SGPL1: variants seen among roughly 807,000 people sequenced by gnomAD.
SGPL1 encodes the protein SP-lyase 1.
In SGPL1, 37 loss-of-function variants were observed where a neutral mutation model predicts 68.9. That is an observed-to-expected ratio of 0.54 (90% CI 0.41 to 0.71). The LOEUF is 0.71. SGPL1 is among the 30% of genes least tolerant of loss of function. The pLI is 0.00. For missense variants in SGPL1, 551 were observed against 704.6 expected, an observed-to-expected ratio of 0.78 and a Z score of 2.47; for synonymous variants, 236 against 248.5, an observed-to-expected ratio of 0.95 and a Z score of 0.47.
chr10:70,843,470 G>A (rs1211991043), intron 2 of SGPL1, among the ~76,000 whole-genome samples: 2 of 152,210 alleles, frequency 1.3e-5, no homozygotes, highest in African/African-American at 4.8e-5. Context: ...TTGTAGATAT[G>A]AATAGAACTG....
At chr10:70,877,104 A>G (rs1440813517) in intron 14 of SGPL1, 91 bp from the exon 15 acceptor site, 2 of 1,308,834 alleles carry the variant, frequency 1.5e-6, no homozygotes, top group Non-Finnish European at 2.2e-6. Flanking sequence ...ATGCGAAGCT[A>G]GGACTCGGGG....
chr10:70,816,255 G>T (rs1367504473), intron 1 of SGPL1, 129 bp downstream of exon 1: 1 of 129,170 alleles, frequency 7.7e-6, no homozygotes. Context: ...GGCCGGGGCG[G>T]GGGCGGGGGC....
intron 2 of SGPL1, among the ~76,000 whole-genome samples, chr10:70,822,909 T>G (rs1423322611): frequency 6.6e-6 from 1 of 151,802 alleles, no homozygotes; most frequent in African/African-American, 2.4e-5. Context: ...GCAGATGATA[T>G]TCACTAAAGA....
At chr10:70,847,002 T>C (rs916328007) in intron 3 of SGPL1, among the ~76,000 whole-genome samples, 2 of 152,196 alleles carry the variant, frequency 1.3e-5, no homozygotes, top group East Asian at 1.9e-4. Flanking sequence ...CTGATACTTA[T>C]CTGCTTTTAG....
At chr10:70,834,266 A>T (rs763688842) in intron 2 of SGPL1, among the ~76,000 whole-genome samples, 13 of 152,140 alleles carry the variant, frequency 8.5e-5, no homozygotes, top group Non-Finnish European at 1.6e-4. Flanking sequence ...CAAGAAGATG[A>T]TTCGTTCCAG....
At chr10:70,829,732 C>A (rs1322357098) in intron 2 of SGPL1, among the ~76,000 whole-genome samples, 3 of 152,098 alleles carry the variant, frequency 2.0e-5, no homozygotes, top group Non-Finnish European at 4.4e-5. Flanking sequence ...GATTACCAGT[C>A]CAGACTTTCT....
intron 2 of SGPL1, among the ~76,000 whole-genome samples, chr10:70,817,341 A>G (rs993917713): frequency 2.6e-5 from 4 of 152,246 alleles, no homozygotes; most frequent in Non-Finnish European, 5.9e-5. Flanking sequence ...TTTTGGATGA[A>G]TGATCAGGAT....
At position 70,819,026 on chromosome 10, in the gene SGPL1, C is replaced by T. The variant is rs1172118473; in HGVS notation, c.27+2146C>T. Among the ~76,000 whole-genome samples, 4 of 152,276 alleles carry T rather than the reference C, an allele frequency of 2.6e-5. No individual in the cohort carries two copies. In the South Asian group the frequency reaches 6.2e-4, roughly 24 times the overall value. Reference sequence around the variant, plus strand: ...GTAGCAATTGACAGTTTCTGTTTATCCTCTTACAGAAGGATATGTTTATGT... The same window carrying T: ...GTAGCAATTGACAGTTTCTGTTTATTCTCTTACAGAAGGATATGTTTATGT... On this transcript the variant is annotated intron_variant, in intron 2 of 14. Coordinates refer to ENST00000373202, the MANE Select transcript of SGPL1 (RefSeq NM_003901.4).
intron 2 of SGPL1, among the ~76,000 whole-genome samples, chr10:70,818,346 C>T (rs1025866286): frequency 1.1e-4 from 16 of 152,210 alleles, no homozygotes; most frequent in African/African-American, 3.9e-4. Flanking sequence ...TCTCAAACTC[C>T]TAACCTCAGG....
chr10:70,856,788 A>G (rs1203164508), intron 5 of SGPL1, among the ~76,000 whole-genome samples: 5 of 152,120 alleles, frequency 3.3e-5, no homozygotes, highest in Admixed American at 3.3e-4. Flanking sequence ...TAGCTTTCTC[A>G]CTACCCACTT....
intron 2 of SGPL1, among the ~76,000 whole-genome samples, chr10:70,820,754 G>A (rs577956579): frequency 6.6e-6 from 1 of 151,536 alleles, no homozygotes; most frequent in Non-Finnish European, 1.5e-5. Flanking sequence ...CAGCCTGGGC[G>A]ACAGAGCGAG....
Position 70,870,969 on chromosome 10 carries a change from C to T in SGPL1, c.811-79C>T, listed in dbSNP as rs1846283863. The T allele has an allele frequency of 4.1e-6, 5 of 1,219,712 alleles. No individual in the cohort carries two copies. The East Asian group carries it at 9.3e-5, about 23-fold the overall frequency. The allele number at this position is 1,219,712 out of a possible 1,614,324, so 75.6% of individuals were successfully genotyped here. Reference sequence around the variant, plus strand: ...TGGAACTGGAACTCTAAGCTAGCAGCCCAAATTGCTCTTGGCAGCAGAAGA... The same window carrying T: ...TGGAACTGGAACTCTAAGCTAGCAGTCCAAATTGCTCTTGGCAGCAGAAGA... On this transcript the variant is annotated intron_variant, in intron 9 of 14. Transcript: ENST00000373202.
At chr10:70,838,117 A>G (rs1845657232) in intron 2 of SGPL1, among the ~76,000 whole-genome samples, 1 of 152,216 alleles carries the variant, frequency 6.6e-6, no homozygotes, top group South Asian at 2.1e-4. Context: ...CATAACAGGT[A>G]GTTAGCCCTG....
At chr10:70,844,048 G>A (rs1845755269) in intron 2 of SGPL1, among the ~76,000 whole-genome samples, 1 of 152,148 alleles carries the variant, frequency 6.6e-6, no homozygotes, top group African/African-American at 2.4e-5. Context: ...TTAGTATCAA[G>A]CTCATTACAG....
intron 10 of SGPL1, among the ~76,000 whole-genome samples, chr10:70,871,445 C>T (rs1478489897): frequency 6.6e-6 from 1 of 152,186 alleles, no homozygotes; most frequent in East Asian, 1.9e-4. Flanking sequence ...AATGTGCCCA[C>T]CAAAAGGGTG....
chr10:70,846,223 C>A (rs1397536047), intron 3 of SGPL1, among the ~76,000 whole-genome samples: 1 of 152,170 alleles, frequency 6.6e-6, no homozygotes, highest in Non-Finnish European at 1.5e-5. Context: ...GCCGGCCCTT[C>A]CGCTGCATCT....
At chr10:70,822,898 T>C (rs1404004714) in intron 2 of SGPL1, among the ~76,000 whole-genome samples, 1 of 151,794 alleles carries the variant, frequency 6.6e-6, no homozygotes, top group African/African-American at 2.4e-5. Context: ...TACAGAGATA[T>C]GCAGATGATA....
At chr10:70,855,393 TAAATAGACC>T (rs1440179599) in intron 5 of SGPL1, among the ~76,000 whole-genome samples, 4 of 152,208 alleles carry the variant, frequency 2.6e-5, no homozygotes, top group African/African-American at 9.7e-5. Context: ...ATGGGATGGA[TAAATAGACC>T]AAATAGCTTG....
intron 7 of SGPL1, among the ~76,000 whole-genome samples, chr10:70,861,673 C>T (rs536114381): frequency 3.3e-5 from 5 of 152,296 alleles, no homozygotes; most frequent in East Asian, 3.9e-4. Context: ...CAGGGCTGCG[C>T]GCAGCGCTTG....
Sources: gnomAD v4.1 joint callset for allele counts (sites outside exome capture counted in the v4.1 genomes callset) on GRCh38, gnomAD v4.1.1 for gene constraint, MANE v1.5 for transcripts, NCBI Gene and HGNC (gene_info 2026-07-23, HGNC 2026-07-21) for gene names.